Variants in SLC4A7 observed in about 807,000 individuals in gnomAD.
The protein encoded by SLC4A7 is solute carrier family 4 member 7.
A neutral mutation model predicts 137.6 loss-of-function variants in SLC4A7; 51 were observed. The observed-to-expected ratio is 0.37, with a 90% CI of 0.30 to 0.47. The LOEUF (loss-of-function observed/expected upper bound fraction) is 0.47. Among genes scored for constraint, SLC4A7 ranks in the 20% least tolerant of loss-of-function variants. SLC4A7 has a pLI of 1.00. For synonymous variants in SLC4A7, 542 were observed against 518.6 expected (o/e 1.05, Z -0.61); for missense variants, 1,247 against 1,525.4 (o/e 0.82, Z 3.04).
In SLC4A7 at chr3:27,403,119, G is replaced by A; in HGVS notation, c.2321+20C>T. The stretch of plus-strand genomic sequence containing the variant: ...CTGTAAAAACACATTTTAATATTAG[G>A]AGAAAAGAGAAATACTTACGAGTAG... On this transcript the variant is annotated intron_variant, in intron 15 of 25. Coordinates refer to ENST00000454389, the MANE Select transcript of SLC4A7 (RefSeq NM_001321103.2). 2 of 1,582,234 alleles carry A rather than the reference G, an allele frequency of 1.3e-6. No homozygotes were observed. The highest frequency in any genetic ancestry group is 1.7e-6 in the Non-Finnish European group (2 of 1,169,548).
In SLC4A7 at chr3:27,389,923, A is replaced by C. The variant is rs1297730730; in HGVS notation, c.3360+8T>G. The C allele has an allele frequency of 2.5e-6, 4 of 1,608,548 alleles. No individual in the cohort carries two copies. Among genetic ancestry groups the C allele is most frequent in the Non-Finnish European group, 3.4e-6 (4 of 1,175,820 alleles). ...ATTAGTGACAAAATAAGTCTGAAGA[A>C]ATCTTACCATCATGGGAAAAACCAC... is the stretch of plus-strand genomic sequence containing the variant. On this transcript the variant is annotated splice_region_variant and intron_variant, in intron 22 of 25. Transcript: ENST00000454389.
At chr3:27,399,579 C>T (rs2052545928) in intron 16 of SLC4A7, among the ~76,000 whole-genome samples, 3 of 152,042 alleles carry the variant, frequency 2.0e-5, no homozygotes, top group African/African-American at 7.2e-5. Flanking sequence ...GCTACAGGCG[C>T]GAGTCACCAT....
chr3:27,378,771 C>T (rs1415414606), intron 25 of SLC4A7, among the ~76,000 whole-genome samples: 1 of 152,164 alleles, frequency 6.6e-6, no homozygotes, highest in Non-Finnish European at 1.5e-5. Context: ...CATCACAGAG[C>T]ATGATTGAAA....
chr3:27,391,957 T>C (rs1241670289), intron 20 of SLC4A7, 149 bp from the exon 21 acceptor site: 1 of 507,290 alleles, frequency 2.0e-6, no homozygotes, highest in African/African-American at 2.0e-5. Context: ...AAATTGCTAA[T>C]ATACAATAAC....
chr3:27,453,523 G>A (rs1253569381), intron 1 of SLC4A7, among the ~76,000 whole-genome samples: 1 of 152,216 alleles, frequency 6.6e-6, no homozygotes, highest in Non-Finnish European at 1.5e-5. Flanking sequence ...TGAGGCAGGA[G>A]AATCACTTGA....
intron 7 of SLC4A7, among the ~76,000 whole-genome samples, chr3:27,430,981 T>G (rs2056214306): frequency 6.6e-6 from 1 of 152,230 alleles, no homozygotes; most frequent in African/African-American, 2.4e-5. Context: ...TGTGTAGTCT[T>G]CTTTGTAGTC....
chr3:27,463,417 G>A (rs1286611014), intron 1 of SLC4A7, among the ~76,000 whole-genome samples: 1 of 151,274 alleles, frequency 6.6e-6, no homozygotes, highest in African/African-American at 2.4e-5. Context: ...GCGACAGAGC[G>A]AGACTCCGCC....
chr3:27,390,381 T>A (rs1199733708), intron 21 of SLC4A7: 4 of 282,444 alleles, frequency 1.4e-5, no homozygotes, highest in Non-Finnish European at 2.6e-5. Context: ...GATTAAAATA[T>A]CTAGATAAAC....
chr3:27,397,889 C>T (rs372445716), intron 17 of SLC4A7, 92 bp from the exon 18 acceptor site: 6 of 735,376 alleles, frequency 8.2e-6, no homozygotes, highest in Admixed American at 3.0e-5. Flanking sequence ...ATTGTCACTA[C>T]AACGTACAAA....
At chr3:27,408,817 G>A (rs2053632759) in intron 13 of SLC4A7, among the ~76,000 whole-genome samples, 2 of 152,122 alleles carry the variant, frequency 1.3e-5, no homozygotes, top group Admixed American at 1.3e-4. Flanking sequence ...CCAAATAAAA[G>A]TTTTAGCTAT....
chr3:27,427,886 T>C (rs2055819458), intron 7 of SLC4A7, among the ~76,000 whole-genome samples: 1 of 152,216 alleles, frequency 6.6e-6, no homozygotes, highest in African/African-American at 2.4e-5. Flanking sequence ...AAAATGTATG[T>C]TGGATTCTCA....
At chr3:27,410,527 T>C (rs1000550054) in intron 12 of SLC4A7, among the ~76,000 whole-genome samples, 1 of 152,214 alleles carries the variant, frequency 6.6e-6, no homozygotes, top group African/African-American at 2.4e-5. Flanking sequence ...TGACAAGTAG[T>C]ACTCTGTTCA....
rs1264603092 is a variant in SLC4A7 at position 27,437,501 on chromosome 3, A to G, written c.315T>C (p.Phe105=). Residue 105 remains phenylalanine, a synonymous_variant, in exon 4 of 26, where the codon TTT becomes TTC. Coordinates refer to ENST00000454389, the MANE Select transcript of SLC4A7 (RefSeq NM_001321103.2). ...CATCATCATCTTCAGTACCAAGGATAAACTGAACTCTCTGGGATGGTGTAT... is the reference window on the plus strand; with the variant it reads ...CATCATCATCTTCAGTACCAAGGATGAACTGAACTCTCTGGGATGGTGTAT... The part of the protein sequence containing the change: ...SYDTPSQRVQ[F]ILGTEDDDEE... The G allele has an allele frequency of 1.3e-6, 2 of 1,593,138 alleles. No homozygotes were observed. The highest frequency in any genetic ancestry group is 1.8e-5 in the Admixed American group (1 of 56,752).
chr3:27,378,156 A>G (rs1394315280), intron 25 of SLC4A7, among the ~76,000 whole-genome samples: 2 of 152,222 alleles, frequency 1.3e-5, no homozygotes, highest in Non-Finnish European at 2.9e-5. Flanking sequence ...GAAGAAAGGA[A>G]ACAGCCAGCT....
At chr3:27,396,111 G>T (rs2052133245) in intron 18 of SLC4A7, among the ~76,000 whole-genome samples, 1 of 151,902 alleles carries the variant, frequency 6.6e-6, no homozygotes, top group Non-Finnish European at 1.5e-5. Flanking sequence ...ACCTCAACTT[G>T]GTATTAAGCT....
chr3:27,434,151 T>C (rs751472568), intron 5 of SLC4A7, 47 bp from the exon 6 acceptor site: 2 of 1,380,964 alleles, frequency 1.4e-6, no homozygotes, highest in Non-Finnish European at 2.0e-6. Flanking sequence ...CAGATGACCA[T>C]AATATAGGAA....
intron 14 of SLC4A7, among the ~76,000 whole-genome samples, chr3:27,403,731 G>A (rs1428848504): frequency 6.6e-6 from 1 of 152,066 alleles, no homozygotes; most frequent in South Asian, 2.1e-4. Context: ...CAGGTATGGT[G>A]TCTATATGAA....
chr3:27,407,110 CTTT>C (rs11312328), intron 13 of SLC4A7, among the ~76,000 whole-genome samples: 4,661 of 125,256 alleles, frequency 0.037, 236 homozygotes, highest in African/African-American at 0.12. Context: ...ATATGAAGAC[CTTT>C]TTTTTTTTTT....
chr3:27,425,832 G>GACTAAT (rs1325347556), intron 7 of SLC4A7, among the ~76,000 whole-genome samples: 2 of 151,636 alleles, frequency 1.3e-5, no homozygotes, highest in Non-Finnish European at 2.9e-5. Context: ...CAAGAATATA[G>GACTAAT]ACTAATAATT....
Sources: gnomAD v4.1 joint callset for allele counts (sites outside exome capture counted in the v4.1 genomes callset) on GRCh38, gnomAD v4.1.1 for gene constraint, MANE v1.5 for transcripts, NCBI Gene and HGNC (gene_info 2026-07-23, HGNC 2026-07-21) for gene names.